DENND2C: variants seen among roughly 807,000 people sequenced by gnomAD.
DENND2C encodes the protein DENN domain containing 2C, also known as DENN domain-containing protein 2C.
In DENND2C, 72 loss-of-function variants were observed where a neutral mutation model predicts 112.4. The observed-to-expected ratio is 0.64, with a 90% CI of 0.53 to 0.78. The LOEUF is 0.78. Among genes scored for constraint, DENND2C ranks in the 30% least tolerant of loss-of-function variants. The pLI is 0.00. For missense variants in DENND2C, 992 were observed against 1,113.8 expected (o/e 0.89, Z 1.56); for synonymous variants, 329 against 381.6 (o/e 0.86, Z 1.61).
intron 3 of DENND2C, among the ~76,000 whole-genome samples, chr1:114,629,688 GA>G (rs1656437114): frequency 6.6e-6 from 1 of 152,016 alleles, no homozygotes; most frequent in East Asian, 1.9e-4. Context: ...TTTCATCCAA[GA>G]AATATACCAA....
chr1:114,637,185 C>T (rs956628140), intron 3 of DENND2C, among the ~76,000 whole-genome samples: 14 of 150,678 alleles, frequency 9.3e-5, no homozygotes, highest in Non-Finnish European at 1.8e-4. Flanking sequence ...CCAGGCTGGT[C>T]TTGAACTCCT....
chr1:114,646,957 T>A (rs975723732), intron 2 of DENND2C, among the ~76,000 whole-genome samples: 1 of 151,978 alleles, frequency 6.6e-6, no homozygotes, highest in African/African-American at 2.4e-5. Context: ...GTCGGGAGTT[T>A]GAGACCAGCC....
At chr1:114,655,289 T>C (rs1657277426) in intron 1 of DENND2C, among the ~76,000 whole-genome samples, 1 of 152,104 alleles carries the variant, frequency 6.6e-6, no homozygotes. Flanking sequence ...TGCATCAAAA[T>C]AAAATATAAG....
intron 19 of DENND2C, 39 bp from the exon 20 acceptor site, chr1:114,587,512 C>T (rs1655070596): frequency 1.2e-6 from 2 of 1,604,750 alleles, no homozygotes; most frequent in South Asian, 2.2e-5. Flanking sequence ...CTGTGTAACA[C>T]TCCAGACTGG....
chr1:114,630,095 A>G (rs973682243), intron 3 of DENND2C, among the ~76,000 whole-genome samples: 6 of 152,076 alleles, frequency 3.9e-5, no homozygotes, highest in Non-Finnish European at 7.4e-5. Context: ...CGGGCGGATC[A>G]TGAGGTCAAG....
At position 114,621,792 on chromosome 1, in the gene DENND2C, G is replaced by T. The variant is rs544563078; in HGVS notation, c.1227+103C>A. On this transcript the variant is annotated intron_variant, in intron 7 of 20. Coordinates refer to ENST00000393274, the MANE Select transcript of DENND2C (RefSeq NM_001256404.2). The stretch of plus-strand genomic sequence containing the variant: ...CCTTCTAAGTCTTCTAATCCCAGTA[G>T]GTCAGTTCTAACCTATTATTCATTT... 259 of 1,412,296 alleles carry T rather than the reference G, an allele frequency of 1.8e-4. No individual in the cohort carries two copies. In the African/African-American group the frequency reaches 3.4e-3, roughly 18 times the overall value. 87.5% of individuals were successfully genotyped at this position (1,412,296 alleles called of 1,614,324 possible).
chr1:114,669,366 G>C (rs1489469851), intron 1 of DENND2C, among the ~76,000 whole-genome samples: 1 of 152,094 alleles, frequency 6.6e-6, no homozygotes, highest in African/African-American at 2.4e-5. Context: ...CTGGTTCCGC[G>C]GGTTCTGGCC....
intron 3 of DENND2C, among the ~76,000 whole-genome samples, chr1:114,633,725 A>G (rs1656565989): frequency 6.6e-6 from 1 of 152,210 alleles, no homozygotes; most frequent in African/African-American, 2.4e-5. Flanking sequence ...GGTAACAACA[A>G]TAGTAAAAAA....
intron 1 of DENND2C, among the ~76,000 whole-genome samples, chr1:114,656,958 C>G (rs1657349244): frequency 6.6e-6 from 1 of 151,872 alleles, no homozygotes; most frequent in African/African-American, 2.4e-5. Flanking sequence ...CCCATGTTGG[C>G]CAGGCTGGTC....
rs559564324 is a variant in DENND2C at position 114,651,818 on chromosome 1, A to C, written c.-317+2687T>G. Among the ~76,000 whole-genome samples, 3 of 152,354 alleles carry C rather than the reference A, an allele frequency of 2.0e-5. No individual in the cohort carries two copies. In the East Asian group the frequency reaches 5.8e-4, roughly 29 times the overall value. On this transcript the variant is annotated intron_variant, in intron 2 of 20. Transcript: ENST00000393274. ...CCTAATTAGGCAAAGCAGAGTAAGT[A>C]AGGCAGGCACACTTGCCTCATGCTA...
chr1:114,608,944 G>C (rs1177077843), intron 9 of DENND2C, 71 bp from the exon 10 acceptor site: 1 of 1,520,364 alleles, frequency 6.6e-7, no homozygotes, highest in African/African-American at 1.4e-5. Context: ...CAGAGGTCAT[G>C]ACCCACATAG....
chr1:114,595,074 A>G (rs1324066250), intron 17 of DENND2C, among the ~76,000 whole-genome samples: 4 of 152,174 alleles, frequency 2.6e-5, no homozygotes, highest in African/African-American at 7.2e-5. Context: ...ACAAATTTCT[A>G]TTATACAATT....
At chr1:114,608,947 C>G in intron 9 of DENND2C, 74 bp from the exon 10 acceptor site, 1 of 1,510,130 alleles carries the variant, frequency 6.6e-7, no homozygotes, top group Non-Finnish European at 9.1e-7. Context: ...AGGTCATGAC[C>G]CACATAGGAT....
At chr1:114,646,160 C>G (rs1392541750) in intron 2 of DENND2C, among the ~76,000 whole-genome samples, 4 of 152,096 alleles carry the variant, frequency 2.6e-5, no homozygotes, top group African/African-American at 9.7e-5. Context: ...ATCTCCTGAC[C>G]TTGTGATCCG....
intron 2 of DENND2C, among the ~76,000 whole-genome samples, chr1:114,651,688 G>C (rs1157120335): frequency 6.6e-6 from 1 of 152,204 alleles, no homozygotes; most frequent in Non-Finnish European, 1.5e-5. Flanking sequence ...GCAGAGCTGA[G>C]ATCACGCCAC....
Position 114,650,508 on chromosome 1 carries a change from C to CA in DENND2C, c.-317+3996dup, listed in dbSNP as rs749266801. Reference sequence around the variant, plus strand: ...TGAAATGCTGTCTCTACTAAAAATACAAAAAAAAAAAAAAATTTAGCCAGG... The same window carrying CA: ...TGAAATGCTGTCTCTACTAAAAATACAAAAAAAAAAAAAAAATTTAGCCAGG... On this transcript the variant is annotated intron_variant, in intron 2 of 20. Coordinates refer to ENST00000393274, the MANE Select transcript of DENND2C (RefSeq NM_001256404.2). Among the ~76,000 whole-genome samples, 543 of 122,024 alleles carry CA rather than the reference C, an allele frequency of 4.4e-3. 6 individuals carry two copies. The highest frequency in any genetic ancestry group is 0.011 in the Admixed American group (128 of 11,792). 80.1% of individuals were successfully genotyped at this position (122,024 alleles called of 152,430 possible).
At chr1:114,667,142 A>C (rs1472232720) in intron 1 of DENND2C, among the ~76,000 whole-genome samples, 1 of 152,134 alleles carries the variant, frequency 6.6e-6, no homozygotes, top group African/African-American at 2.4e-5. Context: ...CAATTTCAGC[A>C]AACTCCTATT....
chr1:114,634,869 A>G (rs1320461292), intron 3 of DENND2C, among the ~76,000 whole-genome samples: 1 of 151,872 alleles, frequency 6.6e-6, no homozygotes, highest in Non-Finnish European at 1.5e-5. Flanking sequence ...CTCTATTAAA[A>G]ATACAAAAAT....
chr1:114,602,089 G>GACCA, intron 12 of DENND2C, 36 bp downstream of exon 12: 1 of 1,608,874 alleles, frequency 6.2e-7, no homozygotes. Context: ...ATTATTCCTT[G>GACCA]ACCAACCCTG....
Sources: allele counts gnomAD v4.1 joint callset (sites outside exome capture counted in the v4.1 genomes callset), GRCh38; gene constraint gnomAD v4.1.1; transcripts MANE v1.5; gene names NCBI Gene and HGNC (gene_info 2026-07-23, HGNC 2026-07-21).